Variants in JAZF1 observed in about 807,000 individuals in gnomAD.
JAZF1 encodes the protein JAZF zinc finger 1.
A neutral mutation model predicts 26.4 loss-of-function variants in JAZF1; 8 were observed. The ratio of observed to expected loss-of-function variants is 0.30; its 90% CI spans 0.18 to 0.55. The LOEUF is 0.55. JAZF1 is among the 20% of genes least tolerant of loss of function. The pLI, the probability that JAZF1 is intolerant of heterozygous loss-of-function variation, is 0.94. For synonymous variants in JAZF1, 126 were observed against 122.3 expected (o/e 1.03, Z -0.20); for missense variants, 199 against 322.0 (o/e 0.62, Z 2.92).
chr7:27,884,374 C>T (rs898831450), intron 3 of JAZF1, among the ~76,000 whole-genome samples: 5 of 152,246 alleles, frequency 3.3e-5, no homozygotes, highest in Admixed American at 3.3e-4. Context: ...GACTAATTCT[C>T]CCACCTCAGC....
intron 2 of JAZF1, among the ~76,000 whole-genome samples, chr7:27,955,487 T>C (rs920758422): frequency 5.3e-5 from 8 of 152,204 alleles, no homozygotes; most frequent in African/African-American, 1.9e-4. Flanking sequence ...TAAAGCCTTG[T>C]AAGTTTCCTG....
At chr7:27,967,459 T>C (rs1340698862) in intron 2 of JAZF1, among the ~76,000 whole-genome samples, 1 of 152,148 alleles carries the variant, frequency 6.6e-6, no homozygotes, top group African/African-American at 2.4e-5. Context: ...CTAATACTTT[T>C]AGTTGTAAAA....
intron 3 of JAZF1, among the ~76,000 whole-genome samples, chr7:27,875,492 G>C (rs1248941210): frequency 6.6e-6 from 1 of 152,126 alleles, no homozygotes; most frequent in African/African-American, 2.4e-5. Context: ...GCCAACTCCT[G>C]TCATCTGGGC....
At chr7:28,095,730 C>A (rs1001167677) in intron 1 of JAZF1, among the ~76,000 whole-genome samples, 6 of 152,186 alleles carry the variant, frequency 3.9e-5, no homozygotes, top group Non-Finnish European at 8.8e-5. Context: ...CGTCAAATCC[C>A]TGTGAGATCC....
intron 2 of JAZF1, among the ~76,000 whole-genome samples, chr7:27,955,024 C>T (rs1348824256): frequency 6.6e-6 from 1 of 152,216 alleles, no homozygotes; most frequent in African/African-American, 2.4e-5. Flanking sequence ...TCCAAAAGTG[C>T]TGGGATTACA....
intron 2 of JAZF1, among the ~76,000 whole-genome samples, chr7:27,905,959 T>C (rs891872922): frequency 1.3e-5 from 2 of 152,196 alleles, no homozygotes; most frequent in African/African-American, 4.8e-5. Context: ...CACATATATA[T>C]AGTATTATTT....
chr7:28,127,224 G>C (rs959701623), intron 1 of JAZF1, among the ~76,000 whole-genome samples: 12 of 152,212 alleles, frequency 7.9e-5, no homozygotes, highest in Admixed American at 3.3e-4. Context: ...TCTCACTCTA[G>C]CCTTAGAAGT....
intron 4 of JAZF1, among the ~76,000 whole-genome samples, chr7:27,837,063 G>C (rs1782827370): frequency 6.6e-6 from 1 of 152,024 alleles, no homozygotes. Flanking sequence ...ACTGTATCTG[G>C]ATCTGTCTCT....
At chr7:28,169,193 CTT>C (rs2127953980) in intron 1 of JAZF1, among the ~76,000 whole-genome samples, 1 of 152,364 alleles carries the variant, frequency 6.6e-6, no homozygotes, top group African/African-American at 2.4e-5. Context: ...GCATGTATAA[CTT>C]AACGTTATAC....
chr7:28,025,472 T>A (rs1053047863), intron 1 of JAZF1, among the ~76,000 whole-genome samples: 1 of 110,884 alleles, frequency 9.0e-6, no homozygotes, highest in Non-Finnish European at 1.9e-5. Context: ...TTGGTCCACA[T>A]GGCTAAATAA....
At chr7:27,998,067 A>AGGC (rs1554280805) in intron 1 of JAZF1, among the ~76,000 whole-genome samples, 16 of 72,838 alleles carry the variant, frequency 2.2e-4, no homozygotes, top group African/African-American at 3.5e-4. Context: ...GGAAGGAAGG[A>AGGC]AGGAAGGCAG....
intron 3 of JAZF1, among the ~76,000 whole-genome samples, chr7:27,885,595 C>T (rs957612090): frequency 3.9e-5 from 6 of 152,174 alleles, no homozygotes; most frequent in African/African-American, 1.2e-4. Context: ...AATATTTTCA[C>T]CTATTCTGAT....
intron 2 of JAZF1, among the ~76,000 whole-genome samples, chr7:27,918,911 T>C (rs1286175561): frequency 2.6e-5 from 4 of 152,204 alleles, no homozygotes; most frequent in East Asian, 1.9e-4. Context: ...ATGACATTGA[T>C]TGTTGAAAAG....
At position 28,180,621 on chromosome 7, in the gene JAZF1, C is replaced by T. The variant is rs771594840; in HGVS notation, c.-44G>A. The stretch of plus-strand genomic sequence containing the variant: ...CCCCTGGTGTCGGCTCTGCGAGCGC[C>T]GGGCGGGCGAGGGAGGGAGGGAGGC... On this transcript the variant is annotated 5_prime_UTR_variant, in exon 1 of 5. Coordinates refer to ENST00000283928, the MANE Select transcript of JAZF1 (RefSeq NM_175061.4). 5.5e-6 allele frequency: 6 copies of T among 1,100,060 alleles called. No homozygotes were observed. Among genetic ancestry groups the T allele is most frequent in the East Asian group, 4.5e-5 (1 of 22,438 alleles). The allele number at this position is 1,100,060 out of a possible 1,614,324, so 68.1% of individuals were successfully genotyped here.
intron 2 of JAZF1, among the ~76,000 whole-genome samples, chr7:27,923,424 A>G (rs535077622): frequency 6.6e-6 from 1 of 152,342 alleles, no homozygotes; most frequent in East Asian, 1.9e-4. Flanking sequence ...TCGTCTCCAC[A>G]CACTCTATCC....
chr7:28,065,848 G>A (rs1337450173), intron 1 of JAZF1, among the ~76,000 whole-genome samples: 1 of 152,080 alleles, frequency 6.6e-6, no homozygotes, highest in Non-Finnish European at 1.5e-5. Context: ...TACAGCCCGG[G>A]GCTATTTTTC....
chr7:27,943,623 G>A (rs1158842728), intron 2 of JAZF1, among the ~76,000 whole-genome samples: 3 of 152,304 alleles, frequency 2.0e-5, no homozygotes, highest in African/African-American at 4.8e-5. Flanking sequence ...TGTAAATCAA[G>A]TGTTTCATAA....
intron 1 of JAZF1, among the ~76,000 whole-genome samples, chr7:28,108,240 A>C (rs1304860574): frequency 6.6e-6 from 1 of 152,224 alleles, no homozygotes; most frequent in Non-Finnish European, 1.5e-5. Flanking sequence ...AGTCATATCC[A>C]GGCCCAGTTA....
At chr7:28,163,003 G>C (rs1783315749) in intron 1 of JAZF1, among the ~76,000 whole-genome samples, 1 of 152,210 alleles carries the variant, frequency 6.6e-6, no homozygotes, top group South Asian at 2.1e-4. Context: ...CAGAGCCATG[G>C]ATCATGTCTT....
Sources: gnomAD v4.1 joint callset for allele counts (sites outside exome capture counted in the v4.1 genomes callset) on GRCh38, gnomAD v4.1.1 for gene constraint, MANE v1.5 for transcripts, NCBI Gene and HGNC (gene_info 2026-07-23, HGNC 2026-07-21) for gene names.